Variants in PHGR1 observed in about 807,000 individuals in gnomAD.
PHGR1 encodes the protein proline, histidine and glycine-rich protein 1.
Under a neutral mutation model 4.9 loss-of-function variants are expected in PHGR1, and 3 were observed. The observed-to-expected ratio is 0.61, with a 90% CI of 0.28 to 1.58. The LOEUF is 1.58. Among genes scored for constraint, PHGR1 ranks in the 40% most tolerant of loss-of-function variants. The pLI is 0.11. For missense variants in PHGR1, 81 were observed against 118.7 expected (o/e 0.68, Z 1.48); for synonymous variants, 32 against 46.1 (o/e 0.69, Z 1.24).
intron 1 of PHGR1, among the ~76,000 whole-genome samples, chr15:40,352,106 G>A (rs900864781): frequency 6.6e-6 from 1 of 152,178 alleles, no homozygotes; most frequent in African/African-American, 2.4e-5. Flanking sequence ...CAGAGGTTAA[G>A]GTGGGAGGAT....
chr15:40,351,537 G>GT (rs1889207101), intron 1 of PHGR1, among the ~76,000 whole-genome samples: 2 of 152,186 alleles, frequency 1.3e-5, no homozygotes, highest in Admixed American at 1.3e-4. Context: ...AAGGACGAGG[G>GT]AGCACGAAGG....
rs1595719323 is a variant in PHGR1, at chr15:40,353,214, GT to G, written c.-26-16del. ...CAATTTAGATTACAGTAAATTAAAAGTTACCTTTTGAACACAGGTATTCCCT... is the reference window on the plus strand; with the variant it reads ...CAATTTAGATTACAGTAAATTAAAAGTACCTTTTGAACACAGGTATTCCCT... On this transcript the variant is annotated splice_polypyrimidine_tract_variant and intron_variant, in intron 1 of 3. Coordinates refer to ENST00000448599, the MANE Select transcript of PHGR1 (RefSeq NM_001145643.2). The G allele has an allele frequency of 6.5e-7, 1 of 1,547,136 alleles. No individual in the cohort carries two copies. Among genetic ancestry groups the G allele is most frequent in the Non-Finnish European group, 8.7e-7 (1 of 1,144,124 alleles).
At chr15:40,352,817 AC>A (rs1889223480) in intron 1 of PHGR1, among the ~76,000 whole-genome samples, 1 of 152,228 alleles carries the variant, frequency 6.6e-6, no homozygotes, top group South Asian at 2.1e-4. Context: ...GGACAAGCAT[AC>A]CATGACCTGG....
intron 3 of PHGR1, among the ~76,000 whole-genome samples, chr15:40,355,185 A>T (rs1889273171): frequency 6.6e-6 from 1 of 152,002 alleles, no homozygotes; most frequent in African/African-American, 2.4e-5. Flanking sequence ...AAAAAAAAAC[A>T]AAAAACTCCC....
At chr15:40,352,528 G>A (rs547787783) in intron 1 of PHGR1, among the ~76,000 whole-genome samples, 3 of 152,246 alleles carry the variant, frequency 2.0e-5, no homozygotes, top group South Asian at 4.1e-4. Flanking sequence ...ATGACAGCAC[G>A]GCTTGTTGGT....
intron 1 of PHGR1, among the ~76,000 whole-genome samples, chr15:40,351,601 G>C (rs962202280): frequency 1.3e-5 from 2 of 152,188 alleles, no homozygotes; most frequent in Non-Finnish European, 2.9e-5. Context: ...AGTACAAGTA[G>C]AGGCCAGTGA....
intron 3 of PHGR1, among the ~76,000 whole-genome samples, chr15:40,355,055 A>C (rs1033913275): frequency 6.6e-6 from 1 of 152,128 alleles, no homozygotes; most frequent in African/African-American, 2.4e-5. Flanking sequence ...TCCAGCCCAG[A>C]CAGTGGGAGC....
At chr15:40,354,534 C>A (rs1194430658) in intron 3 of PHGR1, among the ~76,000 whole-genome samples, 182 bp downstream of exon 3, 2 of 151,888 alleles carry the variant, frequency 1.3e-5, no homozygotes, top group African/African-American at 4.8e-5. Flanking sequence ...CACTCCTCCA[C>A]CCCCTGCTGG....
chr15:40,353,621 C>T (rs1052813731), intron 2 of PHGR1: 3 of 284,746 alleles, frequency 1.1e-5, no homozygotes, highest in African/African-American at 6.4e-5. Context: ...GCTGTGCCAT[C>T]GGCTTCCCTC....
At chr15:40,353,405 T>C in intron 2 of PHGR1, 138 bp downstream of exon 2, 1 of 1,092,134 alleles carries the variant, frequency 9.2e-7, no homozygotes, top group Non-Finnish European at 1.4e-6. Flanking sequence ...AAGGCAGTGG[T>C]AGGGGTCCAC....
intron 2 of PHGR1, chr15:40,353,644 A>G: frequency 3.8e-6 from 1 of 261,858 alleles, no homozygotes; most frequent in Non-Finnish European, 7.5e-6. Context: ...AATGAACAAA[A>G]GACCGTCCTA....
chr15:40,352,412 T>C lies in PHGR1; in HGVS notation c.-26-820T>C, dbSNP rs76970956. 3.3e-3 allele frequency among the ~76,000 whole-genome samples: 498 copies of C among 152,286 alleles called. 1 individual carries two copies. Among genetic ancestry groups the C allele is most frequent in the Non-Finnish European group, 3.9e-3 (266 of 68,022 alleles). Reference sequence around the variant, plus strand: ...TTTGAGGGTTGAAAAAAAATGAATGTACTGTATGTTCACTGGGCCCATTCT... The same window carrying C: ...TTTGAGGGTTGAAAAAAAATGAATGCACTGTATGTTCACTGGGCCCATTCT... On this transcript the variant is annotated intron_variant, in intron 1 of 3. Coordinates refer to ENST00000448599, the MANE Select transcript of PHGR1 (RefSeq NM_001145643.2).
chr15:40,355,204 G>T (rs1365358999), intron 3 of PHGR1, among the ~76,000 whole-genome samples: 1 of 151,550 alleles, frequency 6.6e-6, no homozygotes, highest in Non-Finnish European at 1.5e-5. Flanking sequence ...CCCTGGCCTT[G>T]GGACTTCAGG....
chr15:40,352,070 G>GCTC (rs1889213607), intron 1 of PHGR1, among the ~76,000 whole-genome samples: 2 of 152,166 alleles, frequency 1.3e-5, no homozygotes, highest in African/African-American at 4.8e-5. Flanking sequence ...GGGTGTGGTG[G>GCTC]CACATACCTA....
At chr15:40,354,925 A>G (rs1367983666) in intron 3 of PHGR1, among the ~76,000 whole-genome samples, 2 of 152,174 alleles carry the variant, frequency 1.3e-5, no homozygotes. Flanking sequence ...CTGAGCCTGG[A>G]TGGGGCAGGG....
chr15:40,354,260 T>C (rs937519605), intron 2 of PHGR1, 85 bp from the exon 3 acceptor site: 1 of 1,464,506 alleles, frequency 6.8e-7, no homozygotes, highest in Admixed American at 2.0e-5. Context: ...ACAAAATCCT[T>C]AGTGCCAGGG....
At position 40,356,364 on chromosome 15, in the gene PHGR1, G is replaced by T. The variant is rs1889302317; in HGVS notation, c.*61G>T. 1.9e-6 allele frequency: 3 copies of T among 1,549,348 alleles called. No individual in the cohort carries two copies. In the East Asian group the frequency reaches 7.3e-5, roughly 38 times the overall value. On this transcript the variant is annotated 3_prime_UTR_variant, in exon 4 of 4. Coordinates refer to ENST00000448599, the MANE Select transcript of PHGR1 (RefSeq NM_001145643.2). ...CTGAGAGAATTGCCCAGCTGACCTG[G>T]AATGAGGCCTAAACCACAATCTTCT...
chr15:40,351,170 T>C (rs1254215659), intron 1 of PHGR1, 108 bp downstream of exon 1: 1 of 152,482 alleles, frequency 6.6e-6, no homozygotes, highest in African/African-American at 2.4e-5. Flanking sequence ...ATGCATTGAA[T>C]TGGTATCCGT....
rs56132408 is a variant in PHGR1, at chr15:40,353,146, T to TGTGTGC, written c.-26-85_-26-84insTGTGCG. 3.2e-3 allele frequency: 2,500 copies of TGTGTGC among 775,172 alleles called. 36 individuals are homozygous for TGTGTGC. In the African/African-American group the frequency reaches 0.036, roughly 11 times the overall value. The allele number at this position is 775,172 out of a possible 1,614,324, so 48.0% of individuals were successfully genotyped here. The stretch of plus-strand genomic sequence containing the variant: ...GTGTGTGTGTGTGTGTGTGTGTGTG[T>TGTGTGC]GCGCGCGCGCGCGCATCCGTGGGAG... On this transcript the variant is annotated intron_variant, in intron 1 of 3. Coordinates refer to ENST00000448599, the MANE Select transcript of PHGR1 (RefSeq NM_001145643.2).
Sources: allele counts gnomAD v4.1 joint callset (sites outside exome capture counted in the v4.1 genomes callset), GRCh38; gene constraint gnomAD v4.1.1; transcripts MANE v1.5; gene names NCBI Gene and HGNC (gene_info 2026-07-23, HGNC 2026-07-21).